NCK2: variants seen among roughly 807,000 people sequenced by gnomAD.
The protein encoded by NCK2 is cytoplasmic protein NCK2.
Under a neutral mutation model 33.9 loss-of-function variants are expected in NCK2, and 16 were observed. That is an observed-to-expected ratio of 0.47 (90% CI 0.32 to 0.72). The LOEUF is 0.72. Ranked by LOEUF, NCK2 falls within the 30% of genes least tolerant of loss-of-function variation. The probability of loss-of-function intolerance (pLI) is 0.03; values close to 1 mark genes in which losing one functional copy is unlikely to be tolerated. For synonymous variants in NCK2, 273 were observed against 239.9 expected (o/e 1.14, Z -1.27); for missense variants, 418 against 537.3 (o/e 0.78, Z 2.19).
intron 2 of NCK2, among the ~76,000 whole-genome samples, chr2:105,821,884 G>A (rs1022412818): frequency 4.7e-5 from 7 of 149,986 alleles, no homozygotes; most frequent in Admixed American, 2.6e-4. Context: ...AGCCCGGGAA[G>A]CAGAAGGTCT....
intron 1 of NCK2, among the ~76,000 whole-genome samples, chr2:105,800,980 G>A (rs140638227): frequency 2.6e-5 from 4 of 152,252 alleles, no homozygotes; most frequent in African/African-American, 4.8e-5. Context: ...GAAGATTGGA[G>A]ACAGGCAAAT....
chr2:105,885,679 T>C (rs559857562), intron 4 of NCK2, among the ~76,000 whole-genome samples: 5 of 152,302 alleles, frequency 3.3e-5, no homozygotes, highest in African/African-American at 1.2e-4. Context: ...GTGATGCTGC[T>C]GCTTTTGGGA....
At chr2:105,795,844 G>A (rs1483101756) in intron 1 of NCK2, among the ~76,000 whole-genome samples, 4 of 151,936 alleles carry the variant, frequency 2.6e-5, no homozygotes, top group South Asian at 2.1e-4. Flanking sequence ...TTCCTTCGCC[G>A]CTTCCTCTCA....
intron 1 of NCK2, among the ~76,000 whole-genome samples, chr2:105,771,991 G>C (rs546763259): frequency 7.9e-5 from 12 of 152,178 alleles, no homozygotes; most frequent in African/African-American, 2.9e-4. Context: ...GGATATTGTC[G>C]TCAAAGTGTC....
At chr2:105,762,064 A>G (rs1296492090) in intron 1 of NCK2, among the ~76,000 whole-genome samples, 1 of 152,218 alleles carries the variant, frequency 6.6e-6, no homozygotes, top group Non-Finnish European at 1.5e-5. Flanking sequence ...GGCTTTCTGT[A>G]GATGAATCAC....
chr2:105,885,121 C>T (rs1678671115), intron 4 of NCK2, among the ~76,000 whole-genome samples: 1 of 152,188 alleles, frequency 6.6e-6, no homozygotes, highest in African/African-American at 2.4e-5. Flanking sequence ...CTGCATCTCC[C>T]ATCCTTGTAA....
At position 105,891,566 on chromosome 2, in the gene NCK2, T is replaced by A. The variant is rs202096647; in HGVS notation, c.949-1416T>A. ...TTTTTTTTTTTTTTTTTTTTTTTTTTTTGAGATTTTTCGCTCTTGTTGCCC... is the reference window on the plus strand; with the variant it reads ...TTTTTTTTTTTTTTTTTTTTTTTTTATTGAGATTTTTCGCTCTTGTTGCCC... On this transcript the variant is annotated intron_variant, in intron 4 of 4. Coordinates refer to ENST00000233154, the MANE Select transcript of NCK2 (RefSeq NM_003581.5). Among the ~76,000 whole-genome samples, 9 of 11,020 alleles carry A rather than the reference T, an allele frequency of 8.2e-4. 2 individuals are homozygous for A. The highest frequency in any genetic ancestry group is 0.01 in the South Asian group (2 of 194). The allele number at this position is 11,020 out of a possible 152,430, so 7.2% of individuals were successfully genotyped here. A position where few individuals can be genotyped will look rare whatever the true frequency, so the allele number is the denominator to read the frequency against.
intron 2 of NCK2, among the ~76,000 whole-genome samples, chr2:105,818,460 C>T (rs1436727108): frequency 6.6e-6 from 1 of 151,722 alleles, no homozygotes; most frequent in Non-Finnish European, 1.5e-5. Flanking sequence ...GATTTTATTC[C>T]TTATACTGTA....
At chr2:105,792,458 C>T (rs952517251) in intron 1 of NCK2, among the ~76,000 whole-genome samples, 1 of 152,182 alleles carries the variant, frequency 6.6e-6, no homozygotes, top group African/African-American at 2.4e-5. Flanking sequence ...ATTTCAATAA[C>T]AATAACTACT....
At chr2:105,821,287 C>G (rs1402048994) in intron 2 of NCK2, among the ~76,000 whole-genome samples, 1 of 152,182 alleles carries the variant, frequency 6.6e-6, no homozygotes, top group Non-Finnish European at 1.5e-5. Flanking sequence ...ACACGCAAAG[C>G]CCAGTGCTCA....
intron 2 of NCK2, among the ~76,000 whole-genome samples, chr2:105,823,526 G>T (rs1675827875): frequency 6.6e-6 from 1 of 151,936 alleles, no homozygotes; most frequent in Non-Finnish European, 1.5e-5. Context: ...CTGGCTCCAG[G>T]ATGTCAAAAT....
intron 3 of NCK2, among the ~76,000 whole-genome samples, chr2:105,868,106 G>A (rs943993157): frequency 6.6e-6 from 1 of 152,232 alleles, no homozygotes; most frequent in African/African-American, 2.4e-5. Flanking sequence ...GTGGGCATCT[G>A]TAGGGCTCCT....
intron 1 of NCK2, among the ~76,000 whole-genome samples, chr2:105,791,940 AGT>A (rs1690898756): frequency 6.6e-6 from 1 of 152,096 alleles, no homozygotes; most frequent in African/African-American, 2.4e-5. Flanking sequence ...CGATGTTTTG[AGT>A]GTGTGTTTTT....
At chr2:105,870,302 G>C (rs1194849843) in intron 3 of NCK2, among the ~76,000 whole-genome samples, 1 of 152,214 alleles carries the variant, frequency 6.6e-6, no homozygotes, top group East Asian at 1.9e-4. Flanking sequence ...CCCCACCCAG[G>C]CAGGGTGGCT....
At position 105,893,123 on chromosome 2, in the gene NCK2, A is replaced by G. The variant is rs1679061097; in HGVS notation, c.1090A>G (p.Ile364Val). ...ELVEHYKKAP[I>V]FTSEHGEKLY... is the part of the protein sequence containing the mutation. ...GGTGGAACACTACAAAAAGGCGCCC[A>G]TCTTCACCAGCGAGCACGGGGAGAA... The change falls in exon 5 of 5, where the codon ATC becomes GTC. Residue 364 changes from isoleucine to valine, a missense_variant. Coordinates refer to ENST00000233154, the MANE Select transcript of NCK2 (RefSeq NM_003581.5). 2 of 1,613,046 alleles carry G rather than the reference A, an allele frequency of 1.2e-6. No homozygotes were observed. Among genetic ancestry groups the G allele is most frequent in the African/African-American group, 1.3e-5 (1 of 74,904 alleles).
intron 4 of NCK2, among the ~76,000 whole-genome samples, chr2:105,882,574 T>G (rs1042488631): frequency 6.6e-6 from 1 of 152,114 alleles, no homozygotes; most frequent in Non-Finnish European, 1.5e-5. Flanking sequence ...TTAAAGCACT[T>G]ACGAGATAAA....
At chr2:105,784,258 C>G (rs1016007265) in intron 1 of NCK2, among the ~76,000 whole-genome samples, 1 of 152,220 alleles carries the variant, frequency 6.6e-6, no homozygotes, top group Non-Finnish European at 1.5e-5. Context: ...CATGAGACAC[C>G]ACGCCCGGCT....
At chr2:105,890,907 G>A (rs1457491888) in intron 4 of NCK2, among the ~76,000 whole-genome samples, 1 of 152,226 alleles carries the variant, frequency 6.6e-6, no homozygotes, top group Non-Finnish European at 1.5e-5. Context: ...CTGGGAGGTC[G>A]CAGAGCAGGG....
intron 1 of NCK2, among the ~76,000 whole-genome samples, chr2:105,790,016 G>T (rs1284219527): frequency 6.6e-6 from 1 of 152,208 alleles, no homozygotes; most frequent in Non-Finnish European, 1.5e-5. Flanking sequence ...TGTATTGAGT[G>T]CAAGGGAGCA....
Sources: gnomAD v4.1 joint callset for allele counts (sites outside exome capture counted in the v4.1 genomes callset) on GRCh38, gnomAD v4.1.1 for gene constraint, MANE v1.5 for transcripts, NCBI Gene and HGNC (gene_info 2026-07-23, HGNC 2026-07-21) for gene names.